ZEB1: variants seen among roughly 807,000 people sequenced by gnomAD.
ZEB1 encodes zinc finger E-box-binding homeobox 1.
Under a neutral mutation model 84.9 loss-of-function variants are expected in ZEB1, and 21 were observed. The ratio of observed to expected loss-of-function variants is 0.25; its 90% confidence interval spans 0.18 to 0.36. The LOEUF (loss-of-function observed/expected upper bound fraction) is 0.36. Among genes scored for constraint, ZEB1 ranks in the 10% least tolerant of loss-of-function variants. The probability of loss-of-function intolerance (pLI) is 1.00; values close to 1 mark genes in which losing one functional copy is unlikely to be tolerated. For synonymous variants in ZEB1, 420 were observed against 471.1 expected (o/e 0.89, Z 1.41); for missense variants, 1,104 against 1,330.2 (o/e 0.83, Z 2.65).
intron 1 of ZEB1, among the ~76,000 whole-genome samples, chr10:31,432,304 T>C (rs2057807406): frequency 6.6e-6 from 1 of 152,218 alleles, no homozygotes; most frequent in South Asian, 2.1e-4. Flanking sequence ...TTAACTAATT[T>C]AAGGATAGAC....
At chr10:31,464,568 A>T (rs961206021) in intron 2 of ZEB1, among the ~76,000 whole-genome samples, 2 of 152,212 alleles carry the variant, frequency 1.3e-5, no homozygotes, top group African/African-American at 2.4e-5. Context: ...AGTCCAATAG[A>T]TTGAACATAA....
At chr10:31,392,439 A>G (rs1305218266) in intron 1 of ZEB1, among the ~76,000 whole-genome samples, 1 of 152,148 alleles carries the variant, frequency 6.6e-6, no homozygotes, top group Non-Finnish European at 1.5e-5. Flanking sequence ...GAAATTCTTC[A>G]GTAGCCTATA....
intron 5 of ZEB1, among the ~76,000 whole-genome samples, chr10:31,511,211 G>A (rs1395242717): frequency 2.0e-5 from 3 of 152,034 alleles, no homozygotes; most frequent in Admixed American, 2.0e-4. Context: ...TTCAGTGTAG[G>A]AAAAATAAGT....
At chr10:31,487,239 C>G (rs557933515) in intron 2 of ZEB1, among the ~76,000 whole-genome samples, 7 of 151,198 alleles carry the variant, frequency 4.6e-5, no homozygotes, top group African/African-American at 1.7e-4. Context: ...ATTATAGTTC[C>G]TTTGCCTTTT....
intron 2 of ZEB1, among the ~76,000 whole-genome samples, chr10:31,485,342 C>G (rs749455779): frequency 1.1e-4 from 16 of 151,830 alleles, no homozygotes; most frequent in Admixed American, 8.6e-4. Flanking sequence ...CATGTGGAAA[C>G]TAAGGACTAA....
chr10:31,517,547 G>A (rs2071395401), intron 6 of ZEB1, among the ~76,000 whole-genome samples: 1 of 149,838 alleles, frequency 6.7e-6, no homozygotes, highest in South Asian at 2.1e-4. Flanking sequence ...ACTTTGAGTA[G>A]TGAAACTTCC....
chr10:31,446,053 T>C (rs1409016091), intron 1 of ZEB1, among the ~76,000 whole-genome samples: 2 of 142,822 alleles, frequency 1.4e-5, no homozygotes, highest in African/African-American at 2.6e-5. Flanking sequence ...TCCTGGACTC[T>C]TTTTGGTTGG....
chr10:31,387,151 G>A (rs2048777924), intron 1 of ZEB1: 1 of 985,772 alleles, frequency 1.0e-6, no homozygotes, highest in Admixed American at 6.1e-5. Flanking sequence ...ACCACAAGAG[G>A]AATATAAAGA....
intron 1 of ZEB1, among the ~76,000 whole-genome samples, chr10:31,452,742 T>TGTGTGTGAGAGAGA (rs1387786622): frequency 6.7e-4 from 61 of 90,806 alleles, no homozygotes; most frequent in Non-Finnish European, 1.1e-3. Context: ...TGTGTGTGTG[T>TGTGTGTGAGAGAGA]GAGAGAGAGA....
chr10:31,514,025 CAGAA>C (rs2070605614), intron 5 of ZEB1, among the ~76,000 whole-genome samples: 1 of 152,022 alleles, frequency 6.6e-6, no homozygotes. Context: ...ATAAACCAGA[CAGAA>C]AGCTATTATA....
chr10:31,521,517 G>C lies in ZEB1; in HGVS notation c.2185G>C (p.Glu729Gln), dbSNP rs768220049. 1.2e-5 allele frequency: 20 copies of C among 1,614,092 alleles called. No homozygotes were observed. In the East Asian group the frequency reaches 4.5e-4, roughly 36 times the overall value. Residue 729 changes from glutamate to glutamine, a missense_variant, in exon 7 of 9, where the codon GAA (glutamate) becomes CAA (glutamine). Transcript: ENST00000424869. The stretch of plus-strand genomic sequence containing the variant: ...CTTGTACACAGCTGAGGGTGCACAA[G>C]AAGAGCCACAAGTAGAACCTCTTGA... Reference protein sequence around the residue: ...GYLYTAEGAQEEPQVEPLDLS... With the variant: ...GYLYTAEGAQQEPQVEPLDLS...
At chr10:31,485,710 A>G (rs935527012) in intron 2 of ZEB1, among the ~76,000 whole-genome samples, 2 of 151,688 alleles carry the variant, frequency 1.3e-5, no homozygotes, top group South Asian at 4.2e-4. Context: ...TTAAGACCTC[A>G]GGAAATATTT....
intron 1 of ZEB1, among the ~76,000 whole-genome samples, chr10:31,435,672 A>G (rs1391981487): frequency 6.6e-6 from 1 of 150,718 alleles, no homozygotes; most frequent in Non-Finnish European, 1.5e-5. Flanking sequence ...TGCCATTTAC[A>G]AAGAACAAAA....
upstream of ZEB1, chr10:31,319,174 G>C: frequency 1.7e-6 from 2 of 1,144,458 alleles, no homozygotes; most frequent in Non-Finnish European, 1.2e-6. Context: ...GGAGGGGTGG[G>C]GGGGAAGGGG....
intron 1 of ZEB1, chr10:31,360,844 A>T: frequency 1.2e-6 from 1 of 808,440 alleles, no homozygotes; most frequent in Non-Finnish European, 2.1e-6. Context: ...TCTCAAGGCC[A>T]TTTTGCATTT....
chr10:31,519,652 A>G (rs941325502), intron 6 of ZEB1, among the ~76,000 whole-genome samples: 9 of 152,180 alleles, frequency 5.9e-5, no homozygotes, highest in African/African-American at 2.2e-4. Flanking sequence ...GGGTACAGGA[A>G]TTATTATTAA....
At chr10:31,321,383 G>A (rs2132925123) in intron 1 of ZEB1, 4 of 1,574,948 alleles carry the variant, frequency 2.5e-6, no homozygotes, top group South Asian at 2.3e-5. Context: ...TAAACGAAAG[G>A]TATTTTGGTA....
chr10:31,495,279 G>A (rs1431513932), intron 2 of ZEB1, among the ~76,000 whole-genome samples: 2 of 151,920 alleles, frequency 1.3e-5, no homozygotes, highest in African/African-American at 4.8e-5. Flanking sequence ...CTTTAGAGAA[G>A]AAATAAAAAT....
intron 1 of ZEB1, among the ~76,000 whole-genome samples, chr10:31,405,077 A>G (rs1326780006): frequency 6.6e-6 from 1 of 152,200 alleles, no homozygotes; most frequent in African/African-American, 2.4e-5. Context: ...CAGATGAGAA[A>G]TAACAGGAAG....
Sources: gnomAD v4.1 joint callset for allele counts (sites outside exome capture counted in the v4.1 genomes callset) on GRCh38, gnomAD v4.1.1 for gene constraint, MANE v1.5 for transcripts, NCBI Gene and HGNC (gene_info 2026-07-23, HGNC 2026-07-21) for gene names.